The following ANKMY2 variants were observed in gnomAD, a reference collection of about 807,000 sequenced individuals.
ANKMY2 encodes ankyrin repeat and MYND domain-containing protein 2.
ANKMY2 carries 36 observed loss-of-function variants against 50.4 expected under a neutral mutation model. That is an observed-to-expected ratio of 0.71 (90% confidence interval 0.55 to 0.94). The LOEUF is 0.94. Ranked by LOEUF, ANKMY2 falls within the 40% of genes least tolerant of loss-of-function variation. The pLI is 0.00. For synonymous variants in ANKMY2, 187 were observed against 178.8 expected (o/e 1.05, Z -0.36); for missense variants, 565 against 524.0 (o/e 1.08, Z -0.76).
intron 4 of ANKMY2, among the ~76,000 whole-genome samples, chr7:16,618,886 C>T (rs1334674414): frequency 7.2e-6 from 1 of 138,138 alleles, no homozygotes; most frequent in African/African-American, 2.5e-5. Context: ...ACAAAATCTA[C>T]ATCCAGCTTC....
intron 7 of ANKMY2, among the ~76,000 whole-genome samples, chr7:16,607,062 G>A (rs1467214682): frequency 6.6e-6 from 1 of 152,164 alleles, no homozygotes; most frequent in Non-Finnish European, 1.5e-5. Flanking sequence ...GTTAGAACTT[G>A]CAGAATATGA....
At chr7:16,629,012 T>C (rs181510820) in intron 2 of ANKMY2, among the ~76,000 whole-genome samples, 30 of 152,338 alleles carry the variant, frequency 2.0e-4, no homozygotes, top group African/African-American at 7.0e-4. Flanking sequence ...TGCAAAACTT[T>C]TGAATCTCAC....
chr7:16,611,340 T>A (rs1485492166), intron 5 of ANKMY2, among the ~76,000 whole-genome samples: 1 of 152,184 alleles, frequency 6.6e-6, no homozygotes, highest in African/African-American at 2.4e-5. Flanking sequence ...TGAGAACAGG[T>A]CAAAGAGGAA....
chr7:16,636,570 G>T, intron 1 of ANKMY2, 115 bp from the exon 2 acceptor site: 7 of 653,404 alleles, frequency 1.1e-5, no homozygotes, highest in Non-Finnish European at 1.7e-5. Context: ...TCTAGTCAGT[G>T]TAGGTTGCTA....
chr7:16,619,803 G>A (rs1781407317), intron 4 of ANKMY2, among the ~76,000 whole-genome samples: 1 of 152,146 alleles, frequency 6.6e-6, no homozygotes, highest in Non-Finnish European at 1.5e-5. Flanking sequence ...TAGACTTACA[G>A]GGCTCACTGA....
chr7:16,600,710 T>C lies in ANKMY2; in HGVS notation c.*51A>G. The C allele has an allele frequency of 4.7e-6, 7 of 1,495,046 alleles. No homozygotes were observed. Among genetic ancestry groups the C allele is most frequent in the Non-Finnish European group, 5.4e-6 (6 of 1,116,258 alleles). The allele number at this position is 1,495,046 out of a possible 1,614,324, so 92.6% of individuals were successfully genotyped here. The stretch of plus-strand genomic sequence containing the variant: ...GAGGACAATGCATTCCTAGGAGTTT[T>C]CCAGCTTCTTGCAGGGTGAGGATCA... On this transcript the variant is annotated 3_prime_UTR_variant, in exon 10 of 10. Coordinates refer to ENST00000306999, the MANE Select transcript of ANKMY2 (RefSeq NM_020319.3).
In ANKMY2 at chr7:16,615,841, G is replaced by A; in HGVS notation, c.434C>T (p.Thr145Ile). 2 of 1,614,154 alleles carry A rather than the reference G, an allele frequency of 1.2e-6. No individual in the cohort carries two copies. The highest frequency in any genetic ancestry group is 8.5e-7 in the Non-Finnish European group (1 of 1,180,034). The change falls in exon 5 of 10, where the codon ACT (threonine) becomes ATT (isoleucine). Residue 145 changes from threonine (T) to isoleucine (I), a missense_variant. Coordinates refer to ENST00000306999, the MANE Select transcript of ANKMY2 (RefSeq NM_020319.3). ...CTCTTTATCCAGTCCCTGGGGCTTA[G>A]TGTAATAATCCAGTCTCTCTCGAGG... ...FFPRERLDYY[T>I]KPQGLDKEPK... is the part of the protein sequence containing the mutation.
intron 2 of ANKMY2, among the ~76,000 whole-genome samples, chr7:16,632,410 C>T (rs964260151): frequency 3.3e-5 from 5 of 152,148 alleles, no homozygotes; most frequent in Admixed American, 1.3e-4. Context: ...CACTTCACCC[C>T]CACTCCCTTA....
chr7:16,622,614 C>A (rs1190681675), intron 4 of ANKMY2, among the ~76,000 whole-genome samples: 3 of 152,002 alleles, frequency 2.0e-5, no homozygotes, highest in Admixed American at 6.6e-5. Context: ...GTGGCGCACA[C>A]CTATAATCCC....
intron 4 of ANKMY2, among the ~76,000 whole-genome samples, chr7:16,617,929 T>G (rs117808869): frequency 1.5e-3 from 135 of 88,072 alleles, no homozygotes; most frequent in Middle Eastern, 4.4e-3. Context: ...TTTTTTTTTT[T>G]TTTTTTTTTT....
chr7:16,636,550 T>A, intron 1 of ANKMY2, 95 bp from the exon 2 acceptor site: 2 of 888,538 alleles, frequency 2.3e-6, no homozygotes, highest in South Asian at 3.6e-5. Flanking sequence ...GAGTTATCTG[T>A]AAGAGTACAT....
chr7:16,609,063 CAG>C (rs1279666102), intron 7 of ANKMY2, among the ~76,000 whole-genome samples: 2 of 152,064 alleles, frequency 1.3e-5, no homozygotes, highest in Admixed American at 1.3e-4. Flanking sequence ...ATTTAAATAA[CAG>C]ATAAAGTTAA....
chr7:16,609,820 T>C (rs928047764), intron 6 of ANKMY2, 55 bp from the exon 7 acceptor site: 37 of 1,572,582 alleles, frequency 2.4e-5, no homozygotes, highest in Non-Finnish European at 2.9e-5. Flanking sequence ...CATTCTCTCC[T>C]AGTTGAACCC....
In ANKMY2 at chr7:16,627,182, T is replaced by A. The variant is rs1342442010; in HGVS notation, c.133-4A>T. On this transcript the variant is annotated splice_region_variant and splice_polypyrimidine_tract_variant and intron_variant, in intron 2 of 9. Coordinates refer to ENST00000306999, the MANE Select transcript of ANKMY2 (RefSeq NM_020319.3). Reference sequence around the variant, plus strand: ...GCATTAGAGGAGTCATTCCATTCTTTAATAGAAAGAGGAAAAAAGTATTAA... The same window carrying A: ...GCATTAGAGGAGTCATTCCATTCTTAAATAGAAAGAGGAAAAAAGTATTAA... The A allele has an allele frequency of 1.3e-6, 2 of 1,567,140 alleles. No homozygotes were observed. The highest frequency in any genetic ancestry group is 1.7e-6 in the Non-Finnish European group (2 of 1,152,596).
intron 2 of ANKMY2, among the ~76,000 whole-genome samples, chr7:16,632,632 A>G (rs1038043210): frequency 1.3e-5 from 2 of 152,226 alleles, no homozygotes; most frequent in Non-Finnish European, 2.9e-5. Context: ...GGATTATACT[A>G]TATTTTGTTG....
intron 7 of ANKMY2, among the ~76,000 whole-genome samples, chr7:16,608,324 C>T (rs908468329): frequency 3.3e-5 from 5 of 152,144 alleles, no homozygotes; most frequent in Non-Finnish European, 4.4e-5. Flanking sequence ...AAATAGCCAA[C>T]TATATTAAAA....
At chr7:16,644,512 CT>C (rs1451488549) in intron 1 of ANKMY2, 1 of 323,934 alleles carries the variant, frequency 3.1e-6, no homozygotes, top group Non-Finnish European at 6.1e-6. Context: ...GTAAATAAAA[CT>C]GGAAACTGGG....
intron 5 of ANKMY2, among the ~76,000 whole-genome samples, 173 bp downstream of exon 5, chr7:16,615,571 C>T (rs1781331492): frequency 6.6e-6 from 1 of 152,188 alleles, no homozygotes; most frequent in Admixed American, 6.5e-5. Flanking sequence ...TCACTCACTT[C>T]CAGGTTTCAA....
intron 2 of ANKMY2, among the ~76,000 whole-genome samples, chr7:16,628,499 T>C (rs1347380710): frequency 6.7e-6 from 1 of 149,914 alleles, no homozygotes; most frequent in East Asian, 2.0e-4. Context: ...AGAGATGGAA[T>C]ATTAGTATGC....
Sources: allele counts gnomAD v4.1 joint callset (sites outside exome capture counted in the v4.1 genomes callset), GRCh38; gene constraint gnomAD v4.1.1; transcripts MANE v1.5; gene names NCBI Gene and HGNC (gene_info 2026-07-23, HGNC 2026-07-21).